The following HSF5 variants were observed in gnomAD, a reference collection of about 807,000 sequenced individuals.
HSF5 encodes heat shock transcription factor 5, also known as heat shock factor protein 5.
A neutral mutation model predicts 50.8 loss-of-function variants in HSF5; 5 were observed. The observed-to-expected ratio is 0.10, with a 90% CI of 0.05 to 0.21. The LOEUF (loss-of-function observed/expected upper bound fraction) is 0.21, where lower values mean the gene tolerates loss of function less well. Among genes scored for constraint, HSF5 ranks in the 10% least tolerant of loss-of-function variants. HSF5 has a pLI of 1.00. For missense variants in HSF5, 564 were observed against 762.6 expected, an observed-to-expected ratio of 0.74 and a Z score of 3.07; for synonymous variants, 307 against 307.4, an observed-to-expected ratio of 1.00 and a Z score of 0.02.
chr17:58,425,065 T>C (rs1198848496), intron 5 of HSF5, among the ~76,000 whole-genome samples: 3 of 152,078 alleles, frequency 2.0e-5, no homozygotes, highest in Non-Finnish European at 2.9e-5. Flanking sequence ...GAAATACAAA[T>C]GTGAATGTAT....
At position 58,488,141 on chromosome 17, in the gene HSF5, A is replaced by T; in HGVS notation, c.134T>A (p.Leu45His). The change falls in exon 1 of 6, where the codon CTC becomes CAC. Residue 45 changes from leucine to histidine, a missense_variant. Leu to His is a moderately conservative substitution (Grantham distance 99). Around this residue, in one of 5 missense-constraint regions of HSF5, gnomAD observed 72 missense variants for 110.9 expected, o/e 0.65. Transcript: ENST00000323777. The surrounding 1 kb of genome is among the most constrained non-coding windows in gnomAD (Gnocchi z 4.1). Reference sequence around the variant, plus strand: ...CGGGCTGAGCAGCTCGGCCTCGAAGAGCGGCTGATCGATAAGCAGCCCCTC... The same window carrying T: ...CGGGCTGAGCAGCTCGGCCTCGAAGTGCGGCTGATCGATAAGCAGCCCCTC... ...RGEGLLIDQPLFEAELLSPPG... is the reference protein window; with the variant it reads ...RGEGLLIDQPHFEAELLSPPG... 4 of 1,555,104 alleles carry T rather than the reference A, an allele frequency of 2.6e-6. No individual in the cohort carries two copies. Among genetic ancestry groups the T allele is most frequent in the Non-Finnish European group, 3.4e-6 (4 of 1,161,778 alleles).
At chr17:58,438,819 C>CCTTA (rs1175940026) in intron 5 of HSF5, among the ~76,000 whole-genome samples, 1 of 145,832 alleles carries the variant, frequency 6.9e-6, no homozygotes, top group African/African-American at 2.6e-5. Context: ...TGAAGTTGCA[C>CCTTA]TAAGAAGTGC....
intron 5 of HSF5, among the ~76,000 whole-genome samples, chr17:58,433,911 A>ATTGTTTTTT (rs1974393628): frequency 9.1e-6 from 1 of 109,362 alleles, no homozygotes. Context: ...GGTCAAAGGG[A>ATTGTTTTTT]TTTTTTTTTT....
At position 58,443,284 on chromosome 17, in the gene HSF5, A is replaced by AGT. The variant is rs368415288; in HGVS notation, c.1720+15483_1720+15484insAC. 3.2e-3 allele frequency among the ~76,000 whole-genome samples: 490 copies of AGT among 152,302 alleles called. 1 individual carries two copies. The highest frequency in any genetic ancestry group is 0.011 in the African/African-American group (463 of 41,550). ...TGGTCTCCCAAAGTTCTGGGATTAC[A>AGT]GGTGTGAGCCACTGCATCTGATCAG... On this transcript the variant is annotated intron_variant, in intron 5 of 5. Coordinates refer to ENST00000323777, the MANE Select transcript of HSF5 (RefSeq NM_001080439.3).
intron 5 of HSF5, among the ~76,000 whole-genome samples, chr17:58,447,758 C>G (rs563823833): frequency 1.3e-5 from 2 of 152,214 alleles, no homozygotes; most frequent in Admixed American, 1.3e-4. Context: ...TCTGGAAGGC[C>G]CTCTGAAGGA....
intron 4 of HSF5, among the ~76,000 whole-genome samples, chr17:58,459,646 C>CA (rs35302270): frequency 0.42 from 44,070 of 105,086 alleles, 7,892 homozygotes; most frequent in Non-Finnish European, 0.49. Flanking sequence ...GACTACATCT[C>CA]AAAAAAAAAA....
At chr17:58,473,899 G>A (rs764562463) in intron 2 of HSF5, among the ~76,000 whole-genome samples, 55 of 151,456 alleles carry the variant, frequency 3.6e-4, no homozygotes, top group Admixed American at 2.6e-3. Flanking sequence ...GGTCTTGCTC[G>A]CAATGGCACA....
rs778806755 is a variant in HSF5 at position 58,463,022 on chromosome 17, A to C, written c.1302T>G (p.Pro434=). 6.2e-6 allele frequency: 10 copies of C among 1,614,252 alleles called. No individual in the cohort carries two copies. Among genetic ancestry groups the C allele is most frequent in the Non-Finnish European group, 8.5e-6 (10 of 1,180,038 alleles). The part of the protein sequence containing the change: ...SQASQLEPLT[P]VGSDIMSFVV... Reference sequence around the variant, plus strand: ...CAAAAGACATAATATCTGAGCCTACAGGAGTAAGTGGCTCCAGCTGGCTAG... The same window carrying C: ...CAAAAGACATAATATCTGAGCCTACCGGAGTAAGTGGCTCCAGCTGGCTAG... The change falls in exon 4 of 6, where the codon CCT becomes CCG. Residue 434 remains proline, a synonymous_variant. Coordinates refer to ENST00000323777, the MANE Select transcript of HSF5 (RefSeq NM_001080439.3).
chr17:58,488,313 T>C lies in HSF5; in HGVS notation c.-39A>G. 1 of 1,432,608 alleles carries C rather than the reference T, an allele frequency of 7.0e-7. No individual in the cohort carries two copies. The highest frequency in any genetic ancestry group is 1.5e-5 in the South Asian group (1 of 66,960). 88.7% of individuals were successfully genotyped at this position (1,432,608 alleles called of 1,614,324 possible). ...CGGGGCCTCGCCCCCCGAGCCTAGC[T>C]CTCCCACACCGTTCTCGATCCCTCC... On this transcript the variant is annotated 5_prime_UTR_variant, in exon 1 of 6. Transcript: ENST00000323777. The surrounding 1 kb of genome is among the most constrained non-coding windows in gnomAD (Gnocchi z 4.1).
Position 58,471,895 on chromosome 17 carries a change from C to T in HSF5, c.926-4916G>A, listed in dbSNP as rs1014373903. ...TTGAGACAGGGTCTTGATCTGTTGC[C>T]GAGGCGGGAGTGCAGTGGCGCGATC... On this transcript the variant is annotated intron_variant, in intron 2 of 5. Transcript: ENST00000323777. Among the ~76,000 whole-genome samples the T allele has an allele frequency of 4.6e-5, 7 of 151,996 alleles. No individual in the cohort carries two copies. The East Asian group carries it at 5.8e-4, about 13-fold the overall frequency.
chr17:58,454,863 C>A (rs969785841), intron 5 of HSF5, among the ~76,000 whole-genome samples: 1 of 152,076 alleles, frequency 6.6e-6, no homozygotes, highest in Non-Finnish European at 1.5e-5. Context: ...ATCGCATGTG[C>A]ATGGATTGGA....
At chr17:58,467,799 T>C (rs746405455) in intron 2 of HSF5, among the ~76,000 whole-genome samples, 9 of 152,342 alleles carry the variant, frequency 5.9e-5, no homozygotes, top group Admixed American at 2.0e-4. Context: ...TGTGAAAAGA[T>C]TGAACTCTTG....
intron 2 of HSF5, among the ~76,000 whole-genome samples, chr17:58,473,963 A>C (rs1475367388): frequency 6.6e-6 from 1 of 151,924 alleles, no homozygotes; most frequent in Non-Finnish European, 1.5e-5. Context: ...TTCCCACCTC[A>C]GCCCCCAAGT....
intron 5 of HSF5, among the ~76,000 whole-genome samples, chr17:58,452,432 T>C (rs868637400): frequency 7.9e-5 from 12 of 152,114 alleles, no homozygotes; most frequent in African/African-American, 2.9e-4. Context: ...CCTGAACACA[T>C]AAAATGTATC....
intron 2 of HSF5, among the ~76,000 whole-genome samples, chr17:58,479,177 T>C (rs143209587): frequency 2.9e-4 from 44 of 152,202 alleles, no homozygotes; most frequent in African/African-American, 1.0e-3. Context: ...ATTACTGAGA[T>C]ACTAAATGAT....
intron 2 of HSF5, among the ~76,000 whole-genome samples, chr17:58,468,578 T>C (rs1567915699): frequency 6.6e-6 from 1 of 152,226 alleles, no homozygotes; most frequent in Non-Finnish European, 1.5e-5. Context: ...TTGAGTGTGC[T>C]AATCTCATTA....
intron 5 of HSF5, among the ~76,000 whole-genome samples, chr17:58,425,313 G>A (rs1974279818): frequency 2.0e-5 from 3 of 151,938 alleles, no homozygotes; most frequent in Middle Eastern, 3.4e-3. Context: ...CAGGAGAATC[G>A]GAAAATCGCT....
chr17:58,474,946 G>GA (rs1442125398), intron 2 of HSF5, among the ~76,000 whole-genome samples: 1 of 152,016 alleles, frequency 6.6e-6, no homozygotes, highest in African/African-American at 2.4e-5. Context: ...AAATCTGGGG[G>GA]AAAAAATTAG....
intron 5 of HSF5, among the ~76,000 whole-genome samples, chr17:58,437,241 A>G (rs1322864805): frequency 2.6e-5 from 4 of 152,210 alleles, no homozygotes; most frequent in Non-Finnish European, 5.9e-5. Context: ...CAGAAATCTT[A>G]GAAAGGCATT....
Sources: allele counts gnomAD v4.1 joint callset (sites outside exome capture counted in the v4.1 genomes callset), GRCh38; gene constraint gnomAD v4.1.1; regional missense constraint gnomAD v4.1.1; non-coding constraint Gnocchi (gnomAD v3.1); transcripts MANE v1.5; gene names NCBI Gene and HGNC (gene_info 2026-07-23, HGNC 2026-07-21).